PSEN1: variants seen among roughly 807,000 people sequenced by gnomAD.
PSEN1 encodes the protein presenilin 1, also known as presenilin-1.
In PSEN1, 15 loss-of-function variants were observed where a neutral mutation model predicts 53.5. The ratio of observed to expected loss-of-function variants is 0.28; its 90% CI spans 0.19 to 0.43. The LOEUF (loss-of-function observed/expected upper bound fraction) is 0.43, where lower values mean the gene tolerates loss of function less well. PSEN1 is among the 20% of genes least tolerant of loss of function. The pLI is 1.00. For synonymous variants in PSEN1, 208 were observed against 209.8 expected, an observed-to-expected ratio of 0.99 and a Z score of 0.08; for missense variants, 387 against 571.2, an observed-to-expected ratio of 0.68 and a Z score of 3.29.
At chr14:73,204,139 T>C (rs1899348775) in intron 8 of PSEN1, among the ~76,000 whole-genome samples, 1 of 152,066 alleles carries the variant, frequency 6.6e-6, no homozygotes, top group Non-Finnish European at 1.5e-5. Flanking sequence ...GCCGGGATTA[T>C]AGACATGCAC....
chr14:73,186,961 A>G (rs200102622), intron 6 of PSEN1, 41 bp downstream of exon 6: 15 of 1,428,904 alleles, frequency 1.0e-5, no homozygotes, highest in East Asian at 2.3e-5. Context: ...AGAATTAACT[A>G]CCTTTGTGCT....
intron 5 of PSEN1, among the ~76,000 whole-genome samples, chr14:73,184,058 T>C (rs1161373058): frequency 1.8e-4 from 16 of 87,620 alleles, no homozygotes; most frequent in South Asian, 8.3e-4. Context: ...GGGGGGCTGA[T>C]CCCCCCACCT....
intron 1 of PSEN1, chr14:73,136,850 G>T (rs1460604385): frequency 2.6e-5 from 4 of 152,926 alleles, no homozygotes; most frequent in South Asian, 2.0e-4. Context: ...GTCTCAGGGC[G>T]CAGGTGCCTT....
At chr14:73,195,276 G>A (rs917765387) in intron 7 of PSEN1, among the ~76,000 whole-genome samples, 1 of 151,896 alleles carries the variant, frequency 6.6e-6, no homozygotes, top group Non-Finnish European at 1.5e-5. Flanking sequence ...GGGATCAAGC[G>A]ATTCTCCTGC....
At chr14:73,158,488 G>A (rs974817124) in intron 3 of PSEN1, among the ~76,000 whole-genome samples, 10 of 152,174 alleles carry the variant, frequency 6.6e-5, no homozygotes, top group African/African-American at 2.4e-4. Flanking sequence ...ACCACACCCA[G>A]CTAATTTTTG....
chr14:73,151,895 T>TATATATATATATATATATATA (rs1491464395), intron 3 of PSEN1, among the ~76,000 whole-genome samples: 9 of 10,938 alleles, frequency 8.2e-4, no homozygotes, highest in African/African-American at 6.3e-3. Context: ...TATATATATA[T>TATATATATATATATATATATA]TTTTTTTTTT....
At chr14:73,175,038 C>T (rs1003621103) in intron 5 of PSEN1, among the ~76,000 whole-genome samples, 1 of 152,182 alleles carries the variant, frequency 6.6e-6, no homozygotes, top group East Asian at 1.9e-4. Flanking sequence ...TATAAGTGTT[C>T]GGCCAGGCAT....
chr14:73,181,084 A>T (rs1376645741), intron 5 of PSEN1, among the ~76,000 whole-genome samples: 1 of 152,254 alleles, frequency 6.6e-6, no homozygotes, highest in East Asian at 1.9e-4. Context: ...GATTCCATGC[A>T]TAAGGCAAAG....
chr14:73,188,224 T>A (rs1411420170), intron 6 of PSEN1, among the ~76,000 whole-genome samples: 1 of 152,120 alleles, frequency 6.6e-6, no homozygotes, highest in Non-Finnish European at 1.5e-5. Context: ...CACCGCACCC[T>A]GCCATAATAA....
Position 73,182,372 on chromosome 14 carries a change from C to A in PSEN1, c.481-4481C>A, listed in dbSNP as rs376897161. On this transcript the variant is annotated intron_variant, in intron 5 of 11. Transcript: ENST00000324501. ...GCCAGGCATGGTGGTGTACCCACGC[C>A]TATAGTCCTAGGTACTAGGGAGGCT... Among the ~76,000 whole-genome samples, 51 of 151,858 alleles carry A rather than the reference C, an allele frequency of 3.4e-4. 1 individual carries two copies. The South Asian group carries it at 9.4e-3, about 28-fold the overall frequency.
At chr14:73,184,242 G>A (rs1595018862) in intron 5 of PSEN1, among the ~76,000 whole-genome samples, 1 of 84,554 alleles carries the variant, frequency 1.2e-5, no homozygotes, top group Non-Finnish European at 2.5e-5. Context: ...GCGGCTGGCC[G>A]GGCGGGGGGC....
intron 10 of PSEN1, among the ~76,000 whole-genome samples, chr14:73,216,320 G>T (rs188468120): frequency 7.0e-4 from 106 of 152,250 alleles, no homozygotes; most frequent in African/African-American, 2.4e-3. Context: ...TACCTGACTG[G>T]GGCAATGGAC....
chr14:73,181,723 C>G (rs901016255), intron 5 of PSEN1, among the ~76,000 whole-genome samples: 1 of 152,196 alleles, frequency 6.6e-6, no homozygotes, highest in East Asian at 1.9e-4. Flanking sequence ...TCTTTACACA[C>G]GCCTATACGT....
At chr14:73,183,481 T>C (rs1898292830) in intron 5 of PSEN1, among the ~76,000 whole-genome samples, 1 of 151,994 alleles carries the variant, frequency 6.6e-6, no homozygotes, top group Admixed American at 6.6e-5. Context: ...TACTTGAGAT[T>C]AGGGAGTGGT....
Position 73,181,724 on chromosome 14 carries a change from G to C in PSEN1, c.481-5129G>C, listed in dbSNP as rs78959774. On this transcript the variant is annotated intron_variant, in intron 5 of 11. Transcript: ENST00000324501. ...TCTCACTGTTAAGGTCTTTACACAC[G>C]CCTATACGTGCAGATAGAAAACATG... 8.0e-3 allele frequency among the ~76,000 whole-genome samples: 1,224 copies of C among 152,260 alleles called. 17 individuals carry two copies. The highest frequency in any genetic ancestry group is 0.028 in the African/African-American group (1,158 of 41,540).
At chr14:73,164,686 C>T (rs530797909) in intron 3 of PSEN1, among the ~76,000 whole-genome samples, 97 of 152,272 alleles carry the variant, frequency 6.4e-4, no homozygotes, top group Non-Finnish European at 1.2e-3. Context: ...CTAATTACCA[C>T]TATATAATAC....
At chr14:73,201,075 T>G (rs1201144263) in intron 8 of PSEN1, among the ~76,000 whole-genome samples, 5 of 150,956 alleles carry the variant, frequency 3.3e-5, no homozygotes, top group South Asian at 2.1e-4. Context: ...GAGAATATCT[T>G]TTTGTTTGTT....
In PSEN1 at chr14:73,201,120, G is replaced by T. The variant is rs547031331; in HGVS notation, c.868+2991G>T. The stretch of plus-strand genomic sequence containing the variant: ...GTTTGTTTGTTTGTGGCAGAGTCTT[G>T]CTGTGTCGCCCAGGCTGGAGTTCAG... On this transcript the variant is annotated intron_variant, in intron 8 of 11. Transcript: ENST00000324501. 5.9e-5 allele frequency among the ~76,000 whole-genome samples: 9 copies of T among 152,016 alleles called. No individual in the cohort carries two copies. In the South Asian group the frequency reaches 1.9e-3, roughly 32 times the overall value.
At chr14:73,153,052 A>G (rs1378119640) in intron 3 of PSEN1, among the ~76,000 whole-genome samples, 1 of 152,230 alleles carries the variant, frequency 6.6e-6, no homozygotes, top group Non-Finnish European at 1.5e-5. Flanking sequence ...CCTGTCTCAA[A>G]TAAATACATA....
Sources: allele counts gnomAD v4.1 joint callset (sites outside exome capture counted in the v4.1 genomes callset), GRCh38; gene constraint gnomAD v4.1.1; transcripts MANE v1.5; gene names NCBI Gene and HGNC (gene_info 2026-07-23, HGNC 2026-07-21).